Variants in GYG2 observed in about 807,000 individuals in gnomAD.
GYG2 encodes the protein glycogenin 2, also known as glycogenin-2.
GYG2 carries 29 observed loss-of-function variants against 29.4 expected under a neutral mutation model. The ratio of observed to expected loss-of-function variants is 0.99; its 90% confidence interval spans 0.74 to 1.35. The LOEUF (loss-of-function observed/expected upper bound fraction) is 1.35. GYG2 is among the 40% of genes most tolerant of loss of function. The pLI is 0.00. For missense variants in GYG2, 370 were observed against 385.7 expected (o/e 0.96, Z 0.34); for synonymous variants, 167 against 172.3 (o/e 0.97, Z 0.24).
chrX:2,841,315 GGATA>G (rs775135670), intron 2 of GYG2, among the ~76,000 whole-genome samples: 2 of 108,332 alleles, frequency 1.8e-5, no homozygotes, highest in South Asian at 4.0e-4. Context: ...ATGAATGGAT[GGATA>G]GATAGATGAT....
intron 3 of GYG2, among the ~76,000 whole-genome samples, chrX:2,846,075 T>A (rs1325868603): frequency 3.5e-4 from 15 of 42,531 alleles, no homozygotes; most frequent in Admixed American, 1.2e-3. Flanking sequence ...TTTTTTTTTT[T>A]TTTTTTTTTG....
intron 3 of GYG2, among the ~76,000 whole-genome samples, chrX:2,845,052 T>TTTAC (rs200698892): frequency 2.8e-5 from 2 of 71,899 alleles, no homozygotes; most frequent in African/African-American, 5.6e-5. Flanking sequence ...TGTATGTATA[T>TTTAC]ATACACGTGT....
At chrX:2,876,677 G>A (rs1380841555) in intron 9 of GYG2, among the ~76,000 whole-genome samples, 4 of 110,573 alleles carry the variant, frequency 3.6e-5, no homozygotes, top group African/African-American at 1.3e-4. Context: ...TGCCGGCCGC[G>A]GTGGCTCACG....
intron 8 of GYG2, among the ~76,000 whole-genome samples, chrX:2,869,569 G>C (rs770387320): frequency 2.7e-5 from 3 of 112,460 alleles, no homozygotes; most frequent in Admixed American, 9.4e-5. Context: ...TAAAAGCTGA[G>C]TGTGCGTCTG....
intron 8 of GYG2, among the ~76,000 whole-genome samples, chrX:2,867,017 C>G (rs1380086412): frequency 9.1e-6 from 1 of 110,074 alleles, no homozygotes; most frequent in Non-Finnish European, 1.9e-5. Context: ...GGGCCCAGAA[C>G]AAGACCCAGG....
chrX:2,862,218 G>A (rs890957136), intron 8 of GYG2, among the ~76,000 whole-genome samples: 1 of 110,951 alleles, frequency 9.0e-6, no homozygotes, highest in Non-Finnish European at 1.9e-5. Flanking sequence ...TCCAGAAGCT[G>A]GAGAAGGCAG....
intron 2 of GYG2, among the ~76,000 whole-genome samples, chrX:2,842,352 G>A (rs1280874496): frequency 1.9e-5 from 2 of 103,142 alleles, no homozygotes; most frequent in Admixed American, 1.1e-4. Flanking sequence ...GCACCACCTC[G>A]CCTGGCTAAT....
At chrX:2,836,891 C>T (rs1212063966) in intron 2 of GYG2, among the ~76,000 whole-genome samples, 1 of 111,285 alleles carries the variant, frequency 9.0e-6, no homozygotes. Flanking sequence ...TGCTTGCTCT[C>T]AGGAAGTCGA....
At chrX:2,860,246 A>G (rs2088127098) in intron 7 of GYG2, among the ~76,000 whole-genome samples, 181 bp downstream of exon 7, 1 of 111,388 alleles carries the variant, frequency 9.0e-6, no homozygotes, top group African/African-American at 3.3e-5. Context: ...CTCAAAATAG[A>G]GAATGCCTAA....
chrX:2,850,637 A>C (rs1447734932), intron 3 of GYG2, among the ~76,000 whole-genome samples: 1 of 111,355 alleles, frequency 9.0e-6, no homozygotes, highest in Non-Finnish European at 1.9e-5. Context: ...AAAAGAAGTG[A>C]AAATGGCCTG....
In GYG2 at chrX:2,877,278, A is replaced by G. The variant is rs780468615; in HGVS notation, c.1222A>G (p.Arg408Gly). The G allele has an allele frequency of 8.3e-7, 1 of 1,210,722 alleles. No homozygotes were observed. Among genetic ancestry groups the G allele is most frequent in the Non-Finnish European group, 1.1e-6 (1 of 894,776 alleles). Residue 408 changes from arginine to glycine, a missense_variant, in exon 10 of 11, where the codon AGG becomes GGG. By Grantham distance (125) the Arg-to-Gly change is moderately radical. Coordinates refer to ENST00000398806, the MANE Select transcript of GYG2 (RefSeq NM_001079855.2). ...CCAGGAACTCCCTGCTGAGGCTCTC[A>G]GGGACCCCAGTCTGCAGGATGCACT... ...PSQELPAEAL[R>G]DPSLQDALEV...
In GYG2 at chrX:2,879,908, CAGAT is replaced by C. The variant is rs749862949; in HGVS notation, c.1252-1143_1252-1140del. Among the ~76,000 whole-genome samples the C allele has an allele frequency of 5.5e-5, 6 of 109,151 alleles. No homozygotes were observed. In the East Asian group the frequency reaches 8.7e-4, roughly 16 times the overall value. 94.8% of individuals were successfully genotyped at this position (109,151 alleles called of 115,157 possible). On this transcript the variant is annotated intron_variant, in intron 10 of 10. Coordinates refer to ENST00000398806, the MANE Select transcript of GYG2 (RefSeq NM_001079855.2). The stretch of plus-strand genomic sequence containing the variant: ...TTTATTGATAAATAGAATGGATGGA[CAGAT>C]GGATGGATGGATGGATGGATGAGTG...
intron 3 of GYG2, among the ~76,000 whole-genome samples, chrX:2,851,208 T>C (rs902453212): frequency 1.8e-5 from 2 of 111,551 alleles, no homozygotes; most frequent in Non-Finnish European, 3.8e-5. Flanking sequence ...ATCTAAGTAA[T>C]GGTCAATTGT....
intron 7 of GYG2, among the ~76,000 whole-genome samples, chrX:2,861,029 C>CTT (rs1200287601): frequency 2.0e-5 from 2 of 101,930 alleles, no homozygotes; most frequent in African/African-American, 7.1e-5. Flanking sequence ...CAAGCCCGGC[C>CTT]TTTTTTTTTT....
intron 8 of GYG2, among the ~76,000 whole-genome samples, chrX:2,870,451 C>T (rs2088440053): frequency 9.0e-6 from 1 of 110,983 alleles, no homozygotes; most frequent in Admixed American, 9.6e-5. Context: ...GATCCACCTG[C>T]CTGAGCCTCC....
rs750258006 is a variant in GYG2 at position 2,855,039 on chromosome X, C to T, written c.371C>T (p.Ala124Val). The T allele has an allele frequency of 2.7e-5, 33 of 1,209,167 alleles. No homozygotes were observed. Among genetic ancestry groups the T allele is most frequent in the Non-Finnish European group, 3.2e-5 (29 of 894,262 alleles). Residue 124 changes from alanine (A) to valine (V), a missense_variant, in exon 5 of 11, where the codon GCG becomes GTG. Ala to Val is a moderately conservative substitution (Grantham distance 64, BLOSUM62 0). Transcript: ENST00000398806. ...CTGTTTGACAGGGGAGAGTTTTCTGCGGCCCCGGACCCCGGATGGCCGGAT... is the reference window on the plus strand; with the variant it reads ...CTGTTTGACAGGGGAGAGTTTTCTGTGGCCCCGGACCCCGGATGGCCGGAT... The part of the protein sequence containing the change: ...DELFDRGEFS[A>V]APDPGWPDCF...
intron 5 of GYG2, among the ~76,000 whole-genome samples, chrX:2,855,467 T>C (rs1415960225): frequency 9.0e-6 from 1 of 111,541 alleles, no homozygotes; most frequent in Non-Finnish European, 1.9e-5. Context: ...GAGGTATCTG[T>C]GTTCTAAACA....
At chrX:2,840,838 G>T (rs1214198480) in intron 2 of GYG2, among the ~76,000 whole-genome samples, 1 of 111,464 alleles carries the variant, frequency 9.0e-6, no homozygotes, top group Non-Finnish European at 1.9e-5. Context: ...TAGATAGCTA[G>T]ATAGATAATA....
intron 2 of GYG2, among the ~76,000 whole-genome samples, chrX:2,831,129 T>C (rs1219043243): frequency 1.8e-5 from 2 of 112,890 alleles, no homozygotes; most frequent in African/African-American, 6.4e-5. Flanking sequence ...AGAAAGATGC[T>C]GGTTCTATTT....
Sources: gnomAD v4.1 joint callset for allele counts (sites outside exome capture counted in the v4.1 genomes callset) on GRCh38, gnomAD v4.1.1 for gene constraint, MANE v1.5 for transcripts, NCBI Gene and HGNC (gene_info 2026-07-23, HGNC 2026-07-21) for gene names.